The following GMDS variants were observed in gnomAD, a reference collection of about 807,000 sequenced individuals.
GMDS encodes GDP-mannose 4,6 dehydratase.
GMDS carries 20 observed loss-of-function variants against 49.9 expected under a neutral mutation model. The ratio of observed to expected loss-of-function variants is 0.40; its 90% CI spans 0.28 to 0.58. The LOEUF is 0.58. GMDS is among the 20% of genes least tolerant of loss of function. GMDS has a pLI of 0.42. For missense variants in GMDS, 362 were observed against 481.4 expected (o/e 0.75, Z 2.32); for synonymous variants, 177 against 178.6 (o/e 0.99, Z 0.07).
intron 7 of GMDS, among the ~76,000 whole-genome samples, chr6:1,828,346 AAGC>A (rs772593431): frequency 6.6e-6 from 1 of 152,190 alleles, no homozygotes; most frequent in Non-Finnish European, 1.5e-5. Flanking sequence ...GTCACAGAAG[AAGC>A]AGAGAGAAGA....
In GMDS at chr6:1,913,871, C is replaced by T. The variant is rs143947084; in HGVS notation, c.771+16232G>A. ...ACATAAAAATGCAGATATGGTAAAG[C>T]GGAAAGCTAACAGGAAGATTTATGT... On this transcript the variant is annotated intron_variant, in intron 7 of 10. Transcript: ENST00000380815. Among the ~76,000 whole-genome samples, 378 of 152,124 alleles carry T rather than the reference C, an allele frequency of 2.5e-3. 1 individual carries two copies. Among genetic ancestry groups the T allele is most frequent in the Non-Finnish European group, 3.9e-3 (263 of 67,994 alleles).
chr6:1,992,026 G>A (rs1228530298), intron 4 of GMDS, among the ~76,000 whole-genome samples: 1 of 152,232 alleles, frequency 6.6e-6, no homozygotes, highest in Non-Finnish European at 1.5e-5. Context: ...CTGCTTCAAA[G>A]GGAGCACAGC....
chr6:1,651,124 C>T (rs1205757411), intron 9 of GMDS, among the ~76,000 whole-genome samples: 1 of 152,184 alleles, frequency 6.6e-6, no homozygotes, highest in Non-Finnish European at 1.5e-5. Context: ...GAGCTGCTAT[C>T]TGGATGACGA....
chr6:1,811,979 T>C lies in GMDS; in HGVS notation c.772-69393A>G, dbSNP rs1770447835. On this transcript the variant is annotated intron_variant, in intron 7 of 10. Coordinates refer to ENST00000380815, the MANE Select transcript of GMDS (RefSeq NM_001500.4). ...ACCTACTATGTTCCAGGTACACTGC[T>C]GGAAATATACAAATGATACCTTTCT... is the stretch of plus-strand genomic sequence containing the variant. Among the ~76,000 whole-genome samples the C allele has an allele frequency of 3.9e-5, 6 of 152,334 alleles. No homozygotes were observed. In the South Asian group the frequency reaches 1.2e-3, roughly 32 times the overall value.
intron 7 of GMDS, among the ~76,000 whole-genome samples, chr6:1,802,795 C>T (rs1770003007): frequency 6.6e-6 from 1 of 152,238 alleles, no homozygotes; most frequent in Non-Finnish European, 1.5e-5. Flanking sequence ...TTTGAAACAT[C>T]TAATTTAATC....
At chr6:2,096,167 T>C (rs77641476) in intron 4 of GMDS, among the ~76,000 whole-genome samples, 222 of 152,262 alleles carry the variant, frequency 1.5e-3, no homozygotes, top group African/African-American at 5.2e-3. Flanking sequence ...TATGACATTA[T>C]ATAACTCTCC....
chr6:1,959,931 G>A lies in GMDS; in HGVS notation c.579C>T (p.Phe193=). ...CTGCAAAGAGATTATACGCCTCACG[G>A]AAGTTCACCACAATCCAATAGGCAT... ...KLYAYWIVVN[F]REAYNLFAVN... The change falls in exon 6 of 11, where the codon TTC becomes TTT. Residue 193 remains phenylalanine, a synonymous_variant. Coordinates refer to ENST00000380815, the MANE Select transcript of GMDS (RefSeq NM_001500.4). 1 of 1,610,710 alleles carries A rather than the reference G, an allele frequency of 6.2e-7. No homozygotes were observed. The highest frequency in any genetic ancestry group is 8.5e-7 in the Non-Finnish European group (1 of 1,178,706).
chr6:2,098,563 T>C (rs1038989829), intron 4 of GMDS, among the ~76,000 whole-genome samples: 1 of 152,248 alleles, frequency 6.6e-6, no homozygotes, highest in Non-Finnish European at 1.5e-5. Flanking sequence ...CTAATTTTTA[T>C]ACGCTTAGTT....
At chr6:1,876,146 T>G (rs944504553) in intron 7 of GMDS, among the ~76,000 whole-genome samples, 1 of 151,862 alleles carries the variant, frequency 6.6e-6, no homozygotes, top group African/African-American at 2.4e-5. Context: ...TAATCCCAGC[T>G]ACTAGGGAGA....
At chr6:2,112,014 C>T (rs912345355) in intron 4 of GMDS, among the ~76,000 whole-genome samples, 2 of 152,196 alleles carry the variant, frequency 1.3e-5, no homozygotes, top group African/African-American at 2.4e-5. Context: ...GATCACATGG[C>T]GCCATCATCC....
chr6:2,054,756 G>C (rs919782981), intron 4 of GMDS, among the ~76,000 whole-genome samples: 1 of 150,572 alleles, frequency 6.6e-6, no homozygotes, highest in African/African-American at 2.4e-5. Context: ...ACCCAGGGGG[G>C]GAAAAAAAAA....
intron 9 of GMDS, among the ~76,000 whole-genome samples, chr6:1,711,092 A>G (rs1458042245): frequency 6.6e-6 from 1 of 152,158 alleles, no homozygotes; most frequent in East Asian, 1.9e-4. Context: ...TACATACATG[A>G]TGTATTCTGA....
At chr6:2,197,370 A>C (rs951013597) in intron 1 of GMDS, among the ~76,000 whole-genome samples, 1 of 152,220 alleles carries the variant, frequency 6.6e-6, no homozygotes, top group African/African-American at 2.4e-5. Context: ...TGCTATTAAA[A>C]GACTAGTTTC....
chr6:1,784,405 A>AAAAG (rs1769236794), intron 7 of GMDS, among the ~76,000 whole-genome samples: 1 of 151,384 alleles, frequency 6.6e-6, no homozygotes, highest in Non-Finnish European at 1.5e-5. Context: ...AAAAAAAAAA[A>AAAAG]AAAAAAAAAG....
chr6:1,969,289 A>AAAAAGAG (rs56095985), intron 4 of GMDS, among the ~76,000 whole-genome samples: 2 of 84,356 alleles, frequency 2.4e-5, no homozygotes, highest in African/African-American at 4.3e-5. Flanking sequence ...AAAAAAAAAA[A>AAAAAGAG]AGAGAAAGAA....
intron 4 of GMDS, among the ~76,000 whole-genome samples, chr6:2,102,368 C>T (rs1271444245): frequency 6.6e-6 from 1 of 151,946 alleles, no homozygotes; most frequent in Non-Finnish European, 1.5e-5. Context: ...TGTTCTAGTG[C>T]TAATATGAAG....
chr6:1,951,092 C>T (rs940447473), intron 6 of GMDS, among the ~76,000 whole-genome samples: 1 of 151,988 alleles, frequency 6.6e-6, no homozygotes, highest in African/African-American at 2.4e-5. Flanking sequence ...AGTTGAGAAC[C>T]ACTATTCTAG....
chr6:1,738,264 A>G (rs1767127015), intron 8 of GMDS, among the ~76,000 whole-genome samples: 1 of 152,244 alleles, frequency 6.6e-6, no homozygotes. Context: ...CTTTCTCAAT[A>G]CAAATGACTG....
At chr6:1,864,815 G>A (rs896825793) in intron 7 of GMDS, among the ~76,000 whole-genome samples, 2 of 152,160 alleles carry the variant, frequency 1.3e-5, no homozygotes, top group South Asian at 2.1e-4. Flanking sequence ...ACCCGACAAG[G>A]CTGAGCTGAG....
Sources: allele counts gnomAD v4.1 joint callset (sites outside exome capture counted in the v4.1 genomes callset), GRCh38; gene constraint gnomAD v4.1.1; transcripts MANE v1.5; gene names NCBI Gene and HGNC (gene_info 2026-07-23, HGNC 2026-07-21).